Variants in DLEC1 observed in about 807,000 individuals in gnomAD.
DLEC1 encodes the protein deleted in lung and esophageal cancer protein 1.
DLEC1 carries 146 observed loss-of-function variants against 198.1 expected under a neutral mutation model. The observed-to-expected ratio is 0.74, with a 90% CI of 0.64 to 0.85. The LOEUF (loss-of-function observed/expected upper bound fraction) is 0.85, where lower values mean the gene tolerates loss of function less well. Among genes scored for constraint, DLEC1 ranks in the 40% least tolerant of loss-of-function variants. The probability of loss-of-function intolerance (pLI) is 0.00; values close to 1 mark genes in which losing one functional copy is unlikely to be tolerated. For synonymous variants in DLEC1, 897 were observed against 866.8 expected (o/e 1.03, Z -0.61); for missense variants, 2,233 against 2,220.0 (o/e 1.01, Z -0.12).
Position 38,120,564 on chromosome 3 carries a change from G to A in DLEC1, c.4821G>A (p.Val1607=), listed in dbSNP as rs573943921. The part of the protein sequence containing the change: ...QQSASGEREM[V]FTQNLLLEYT... ...GTGCGAGTGGAGAGAGAGAGATGGT[G>A]TTTACTCAGAACCTGCTCCTGGAGT... The change falls in exon 34 of 37, where the codon GTG becomes GTA. Residue 1607 remains valine (V), a synonymous_variant. Coordinates refer to ENST00000308059, the MANE Select transcript of DLEC1 (RefSeq NM_007335.4). 1.9e-6 allele frequency: 3 copies of A among 1,614,110 alleles called. No individual in the cohort carries two copies. The East Asian group carries it at 6.7e-5, about 36-fold the overall frequency.
chr3:38,073,770 G>A (rs1697453509), intron 6 of DLEC1, among the ~76,000 whole-genome samples: 1 of 152,142 alleles, frequency 6.6e-6, no homozygotes, highest in African/African-American at 2.4e-5. Context: ...TGGGGCTAGG[G>A]AAACAGGCCT....
rs1575379010 is a variant in DLEC1 at position 38,045,698 on chromosome 3, G to A, written c.562+5G>A. 6.2e-7 allele frequency: 1 copy of A among 1,604,678 alleles called. No homozygotes were observed. Among genetic ancestry groups the A allele is most frequent in the East Asian group, 2.2e-5 (1 of 44,622 alleles). ...GCCTTGTCAGGTTGCCTCCAGGTGT[G>A]TATAAAGAACTCCCACATGCCTGCC... On this transcript the variant is annotated splice_donor_5th_base_variant and intron_variant, in intron 2 of 36. Transcript: ENST00000308059.
Position 38,095,024 on chromosome 3 carries a change from A to G in DLEC1, c.2065A>G (p.Ser689Gly), listed in dbSNP as rs1321103454. 29 of 1,614,116 alleles carry G rather than the reference A, an allele frequency of 1.8e-5. No individual in the cohort carries two copies. Among genetic ancestry groups the G allele is most frequent in the Non-Finnish European group, 2.1e-5 (25 of 1,180,050 alleles). Residue 689 changes from serine to glycine, a missense_variant, in exon 13 of 37, where the codon AGC (serine) becomes GGC (glycine). Transcript: ENST00000308059. ...CATCATGCCCAGAAAGGGGGTTCTA[A>G]GCCCCCACACAGACCACGAGTTCAT... ...FSIMPRKGVL[S>G]PHTDHEFILS...
intron 6 of DLEC1, among the ~76,000 whole-genome samples, chr3:38,064,904 A>G (rs1379304981): frequency 1.4e-5 from 2 of 147,112 alleles, no homozygotes; most frequent in East Asian, 2.0e-4. Flanking sequence ...ATGGGCGGCC[A>G]GGCAGAGACG....
chr3:38,121,702 C>T lies in DLEC1; in HGVS notation c.4941C>T (p.Cys1647=), dbSNP rs1700471199. The change falls in exon 35 of 37, where the codon TGC becomes TGT. Residue 1647 remains cysteine (C), a synonymous_variant. Coordinates refer to ENST00000308059, the MANE Select transcript of DLEC1 (RefSeq NM_007335.4). ...CCAGCTGGGTGGACTTTGGGACCTGCTTTGTGAGCCAGCAGCGAGTCCGGG... is the reference window on the plus strand; with the variant it reads ...CCAGCTGGGTGGACTTTGGGACCTGTTTTGTGAGCCAGCAGCGAGTCCGGG... ...LSTSWVDFGT[C]FVSQQRVREV... is the part of the protein sequence containing the mutation. The T allele has an allele frequency of 6.2e-7, 1 of 1,613,962 alleles. No individual in the cohort carries two copies. The highest frequency in any genetic ancestry group is 1.1e-5 in the South Asian group (1 of 91,092).
intron 2 of DLEC1, among the ~76,000 whole-genome samples, chr3:38,048,507 A>G (rs1355077059): frequency 6.6e-6 from 1 of 152,264 alleles, no homozygotes; most frequent in Non-Finnish European, 1.5e-5. Context: ...TATGCTTTGC[A>G]TAGGTTATCC....
At chr3:38,105,113 CTGT>C (rs1420650082) in intron 19 of DLEC1, among the ~76,000 whole-genome samples, 7 of 151,774 alleles carry the variant, frequency 4.6e-5, no homozygotes, top group Non-Finnish European at 7.4e-5. Context: ...AAATTTCTTT[CTGT>C]TGTTGATTTC....
At chr3:38,099,839 G>A (rs1699215652) in intron 18 of DLEC1, among the ~76,000 whole-genome samples, 1 of 152,012 alleles carries the variant, frequency 6.6e-6, no homozygotes, top group African/African-American at 2.4e-5. Context: ...GGAAGGGGTG[G>A]GGGAAAGACC....
Position 38,097,818 on chromosome 3 carries a change from C to T in DLEC1, c.2640C>T (p.Ser880=). The T allele has an allele frequency of 3.7e-6, 6 of 1,614,214 alleles. No homozygotes were observed. Among genetic ancestry groups the T allele is most frequent in the Non-Finnish European group, 5.1e-6 (6 of 1,180,040 alleles). ...GCCTGGGGCAGAAAGCCACAAACTC[C>T]ATCCAGATCCGGAACGTCAGCCAGC... ...LLRLGQKATN[S]IQIRNVSQLP... is the part of the protein sequence containing the mutation. Residue 880 remains serine, a synonymous_variant, in exon 18 of 37, where the codon TCC becomes TCT. Coordinates refer to ENST00000308059, the MANE Select transcript of DLEC1 (RefSeq NM_007335.4).
In DLEC1 at chr3:38,084,542, A is replaced by AGTGGTGGTG. The variant is rs1559430779; in HGVS notation, c.1261+299_1261+300insGGTGGTGGT. ...TGGTAGTAGTAGTAGTGGTGGTGGT[A>AGTGGTGGTG]GTAGTAGTGGTAGTAGTAGTGGTAG... On this transcript the variant is annotated intron_variant, in intron 7 of 36. Coordinates refer to ENST00000308059, the MANE Select transcript of DLEC1 (RefSeq NM_007335.4). Among the ~76,000 whole-genome samples, 3 of 720 alleles carry AGTGGTGGTG rather than the reference A, an allele frequency of 4.2e-3. 1 individual carries two copies. Among genetic ancestry groups the AGTGGTGGTG allele is most frequent in the Non-Finnish European group, 5.0e-3 (1 of 200 alleles). 0.5% of individuals were successfully genotyped at this position (720 alleles called of 152,430 possible).
At chr3:38,120,405 G>A (rs570522007) in intron 33 of DLEC1, 43 bp from the exon 34 acceptor site, 126 of 1,608,368 alleles carry the variant, frequency 7.8e-5, no homozygotes, top group Middle Eastern at 6.6e-4. Context: ...GTGGCCACCT[G>A]CCCTCTGCAG....
chr3:38,122,411 G>A lies in DLEC1; in HGVS notation c.5267G>A (p.Ter1756=), dbSNP rs1052126752. 10 of 1,614,076 alleles carry A rather than the reference G, an allele frequency of 6.2e-6. No individual in the cohort carries two copies. Among genetic ancestry groups the A allele is most frequent in the South Asian group, 3.3e-5 (3 of 91,076 alleles). Residue 1756 remains the stop codon, a stop_retained_variant, in exon 37 of 37, where the codon TGA becomes TAA. Transcript: ENST00000308059. Reference sequence around the variant, plus strand: ...AGATACATGTTGCCTCACCAGCCCTGAGGCTCCGCCCCAGCCCTCAGCCCC... The same window carrying A: ...AGATACATGTTGCCTCACCAGCCCTAAGGCTCCGCCCCAGCCCTCAGCCCC... ...DERYMLPHQP[*]
At chr3:38,116,360 G>A (rs1356993767) in intron 27 of DLEC1, 93 bp from the exon 28 acceptor site, 7 of 1,242,508 alleles carry the variant, frequency 5.6e-6, no homozygotes, top group Non-Finnish European at 8.0e-6. Flanking sequence ...GGGAGAATAG[G>A]TCATCTCTGT....
At chr3:38,085,553 T>C in intron 8 of DLEC1, 106 bp downstream of exon 8, 1 of 1,416,896 alleles carries the variant, frequency 7.1e-7, no homozygotes, top group Non-Finnish European at 9.6e-7. Flanking sequence ...AGCTTGGCTC[T>C]CTTGGGCAGG....
chr3:38,062,084 C>T (rs1279972419), intron 3 of DLEC1, 85 bp from the exon 4 acceptor site: 2 of 1,383,296 alleles, frequency 1.4e-6, no homozygotes, highest in Middle Eastern at 1.8e-4. Context: ...CTAACTGTGG[C>T]TTTGGTGGTT....
At chr3:38,110,893 TAC>T (rs1433750729) in intron 23 of DLEC1, among the ~76,000 whole-genome samples, 8 of 151,700 alleles carry the variant, frequency 5.3e-5, no homozygotes, top group South Asian at 2.1e-4. Context: ...GACACAAATA[TAC>T]ACACATACAC....
At chr3:38,049,423 A>G (rs1177200997) in intron 2 of DLEC1, among the ~76,000 whole-genome samples, 4 of 152,252 alleles carry the variant, frequency 2.6e-5, no homozygotes, top group Non-Finnish European at 5.9e-5. Flanking sequence ...TTTGCTAATA[A>G]AAATGTGACA....
intron 28 of DLEC1, 51 bp downstream of exon 28, chr3:38,116,709 G>A (rs760763031): frequency 6.2e-7 from 1 of 1,609,836 alleles, no homozygotes; most frequent in African/African-American, 1.3e-5. Context: ...GGCCACTGAG[G>A]TGTGGCCAGT....
intron 2 of DLEC1, among the ~76,000 whole-genome samples, chr3:38,050,225 C>T (rs1443765081): frequency 6.6e-6 from 1 of 152,096 alleles, no homozygotes; most frequent in Non-Finnish European, 1.5e-5. Context: ...CATACCACCA[C>T]ACCCGGCTAG....
Sources: gnomAD v4.1 joint callset for allele counts (sites outside exome capture counted in the v4.1 genomes callset) on GRCh38, gnomAD v4.1.1 for gene constraint, MANE v1.5 for transcripts, NCBI Gene and HGNC (gene_info 2026-07-23, HGNC 2026-07-21) for gene names.